The following PDE9A variants were observed in gnomAD, a reference collection of about 807,000 sequenced individuals.
PDE9A encodes the protein phosphodiesterase 9A.
A neutral mutation model predicts 87.4 loss-of-function variants in PDE9A; 60 were observed. The observed-to-expected ratio is 0.69, with a 90% CI of 0.56 to 0.85. The LOEUF is 0.85. PDE9A is among the 40% of genes least tolerant of loss of function. PDE9A has a pLI of 0.00. For synonymous variants in PDE9A, 272 were observed against 279.4 expected (o/e 0.97, Z 0.27); for missense variants, 665 against 779.0 (o/e 0.85, Z 1.74).
chr21:42,744,308 G>A (rs532561917), intron 8 of PDE9A, among the ~76,000 whole-genome samples: 12 of 152,196 alleles, frequency 7.9e-5, no homozygotes, highest in Admixed American at 5.9e-4. Flanking sequence ...AGCCGAGATC[G>A]CGCCACTGCA....
At chr21:42,668,186 G>C (rs1206892558) in intron 1 of PDE9A, among the ~76,000 whole-genome samples, 1 of 152,124 alleles carries the variant, frequency 6.6e-6, no homozygotes, top group Non-Finnish European at 1.5e-5. Flanking sequence ...CTCTCCCCCA[G>C]TGATCCTCCA....
chr21:42,686,365 C>T (rs969530009), intron 2 of PDE9A, 103 bp downstream of exon 2: 24 of 887,004 alleles, frequency 2.7e-5, no homozygotes, highest in Non-Finnish European at 3.7e-6. Context: ...GCCCGAGGCA[C>T]CGGCCTTCTA....
intron 13 of PDE9A, among the ~76,000 whole-genome samples, chr21:42,761,800 C>T (rs35955019): frequency 0.036 from 5,433 of 152,288 alleles, 151 homozygotes; most frequent in Middle Eastern, 0.095. Context: ...TTGATAATTT[C>T]ACAAGAGGCC....
chr21:42,743,046 A>G (rs953936757), intron 7 of PDE9A, among the ~76,000 whole-genome samples: 1 of 152,186 alleles, frequency 6.6e-6, no homozygotes, highest in South Asian at 2.1e-4. Context: ...TCTAAACTAT[A>G]AACTACAAAT....
intron 4 of PDE9A, among the ~76,000 whole-genome samples, chr21:42,729,263 C>T (rs543802491): frequency 1.3e-5 from 2 of 152,192 alleles, no homozygotes; most frequent in Non-Finnish European, 2.9e-5. Context: ...TTGAAGATGT[C>T]AGAGTTATGT....
At chr21:42,732,766 T>C (rs1170077981) in intron 6 of PDE9A, among the ~76,000 whole-genome samples, 2 of 151,838 alleles carry the variant, frequency 1.3e-5, no homozygotes, top group African/African-American at 4.8e-5. Context: ...AATACAAAAT[T>C]AGCCGGGCGT....
chr21:42,670,374 ACACATT>A (rs983033865), intron 1 of PDE9A, among the ~76,000 whole-genome samples: 12 of 109,658 alleles, frequency 1.1e-4, no homozygotes, highest in Non-Finnish European at 1.7e-4. Context: ...ACACATTCAC[ACACATT>A]CACATTTACA....
chr21:42,751,213 G>A lies in PDE9A; in HGVS notation c.735+16G>A, dbSNP rs111788569. On this transcript the variant is annotated intron_variant, in intron 9 of 19. Transcript: ENST00000291539. ...TTACCCCAAGGTAAGATGAGATTCC[G>A]GCCCAGAAGAAGCTGCAGCTGTGTC... 73 of 1,579,242 alleles carry A rather than the reference G, an allele frequency of 4.6e-5. No homozygotes were observed. Among genetic ancestry groups the A allele is most frequent in the Middle Eastern group, 1.7e-4 (1 of 6,010 alleles).
rs577581842 is a variant in PDE9A at position 42,668,314 on chromosome 21, G to T, written c.69+14431G>T. ...AGGGTTGCATTAGCTCCCACTCGGAGTCCTGATGCAGCAGAGACAGACAGA... is the reference window on the plus strand; with the variant it reads ...AGGGTTGCATTAGCTCCCACTCGGATTCCTGATGCAGCAGAGACAGACAGA... On this transcript the variant is annotated intron_variant, in intron 1 of 19. Coordinates refer to ENST00000291539, the MANE Select transcript of PDE9A (RefSeq NM_002606.3). Among the ~76,000 whole-genome samples the T allele has an allele frequency of 4.7e-4, 72 of 152,278 alleles. 1 individual carries two copies. The South Asian group carries it at 0.013, about 28-fold the overall frequency.
chr21:42,739,996 T>C lies in PDE9A; in HGVS notation c.569-3780T>C, dbSNP rs1018473811. Among the ~76,000 whole-genome samples, 1 of 151,994 alleles carries C rather than the reference T, an allele frequency of 6.6e-6. No homozygotes were observed. Among genetic ancestry groups the C allele is most frequent in the African/African-American group, 2.4e-5 (1 of 41,448 alleles). On this transcript the variant is annotated intron_variant, in intron 7 of 19. Transcript: ENST00000291539. The surrounding 1 kb of genome is among the most constrained non-coding windows in gnomAD (Gnocchi z 4.1). Reference sequence around the variant, plus strand: ...GCCGTGACCTCCTGATGAGTGAAAATAGCAAGTTAGAAAACAACAAATTTT... The same window carrying C: ...GCCGTGACCTCCTGATGAGTGAAAACAGCAAGTTAGAAAACAACAAATTTT...
intron 4 of PDE9A, chr21:42,724,730 C>G: frequency 5.4e-6 from 2 of 370,954 alleles, no homozygotes; most frequent in Non-Finnish European, 7.5e-6. Context: ...ACATGCTGGC[C>G]TGGGTGGCGC....
intron 10 of PDE9A, 51 bp downstream of exon 10, chr21:42,754,115 T>C (rs2054751141): frequency 1.9e-5 from 22 of 1,158,044 alleles, no homozygotes; most frequent in Non-Finnish European, 2.8e-5. Flanking sequence ...CAGCTCAGGA[T>C]CTTGGACGCC....
chr21:42,687,778 T>A, intron 2 of PDE9A, 139 bp from the exon 3 acceptor site: 1 of 668,278 alleles, frequency 1.5e-6, no homozygotes, highest in Non-Finnish European at 2.7e-6. Context: ...CCTCCCACCC[T>A]TCCCATCCCA....
chr21:42,700,047 CACAA>C (rs1231583435), intron 4 of PDE9A, among the ~76,000 whole-genome samples: 3 of 152,168 alleles, frequency 2.0e-5, no homozygotes, highest in Non-Finnish European at 4.4e-5. Flanking sequence ...TGTCTCAGTC[CACAA>C]CGGACCTGCT....
At chr21:42,658,678 C>A (rs2057273755) in intron 1 of PDE9A, among the ~76,000 whole-genome samples, 1 of 152,236 alleles carries the variant, frequency 6.6e-6, no homozygotes, top group South Asian at 2.1e-4. Flanking sequence ...TCGGCTCCAG[C>A]ACCACTGTCT....
intron 15 of PDE9A, 62 bp downstream of exon 15, chr21:42,765,556 A>T (rs751223260): frequency 2.8e-5 from 24 of 861,098 alleles, no homozygotes; most frequent in Non-Finnish European, 4.8e-5. Flanking sequence ...CAGGTCATCC[A>T]TCCAGCTCAC....
At chr21:42,750,791 T>C (rs1339328598) in intron 8 of PDE9A, among the ~76,000 whole-genome samples, 1 of 151,918 alleles carries the variant, frequency 6.6e-6, no homozygotes, top group Admixed American at 6.6e-5. Context: ...TTCACCATGT[T>C]GGCCAGGATG....
At chr21:42,656,023 G>A (rs972623144) in intron 1 of PDE9A, among the ~76,000 whole-genome samples, 1 of 152,210 alleles carries the variant, frequency 6.6e-6, no homozygotes, top group Non-Finnish European at 1.5e-5. Context: ...TGTCACGGAT[G>A]GGTTGCACCG....
Position 42,760,377 on chromosome 21 carries a change from A to G in PDE9A, c.947A>G (p.His316Arg), listed in dbSNP as rs556618952. 1 of 1,610,268 alleles carries G rather than the reference A, an allele frequency of 6.2e-7. No individual in the cohort carries two copies. Among genetic ancestry groups the G allele is most frequent in the Non-Finnish European group, 8.5e-7 (1 of 1,179,602 alleles). ...AACAACCCCTTCCACAACTTCCGGC[A>G]CTGCTTCTGCGTGGCCCAGATGATG... The part of the protein sequence containing the change: ...YRNNPFHNFR[H>R]CFCVAQMMYS... Residue 316 changes from histidine to arginine, a missense_variant, in exon 12 of 20, where the codon CAC (histidine) becomes CGC (arginine). Transcript: ENST00000291539. The surrounding 1 kb of genome is among the most constrained non-coding windows in gnomAD (Gnocchi z 5.2).
Sources: gnomAD v4.1 joint callset for allele counts (sites outside exome capture counted in the v4.1 genomes callset) on GRCh38, gnomAD v4.1.1 for gene constraint, Gnocchi (gnomAD v3.1) non-coding constraint, MANE v1.5 for transcripts, NCBI Gene and HGNC (gene_info 2026-07-23, HGNC 2026-07-21) for gene names.